Variants in KIAA2012 observed in about 807,000 individuals in gnomAD.
The protein encoded by KIAA2012 is KIAA2012.
In KIAA2012, 125 loss-of-function variants were observed where a neutral mutation model predicts 150.6. The observed-to-expected ratio is 0.83, with a 90% CI of 0.72 to 0.96. The LOEUF (loss-of-function observed/expected upper bound fraction) is 0.96, where lower values mean the gene tolerates loss of function less well. Among genes scored for constraint, KIAA2012 ranks in the 40% least tolerant of loss-of-function variants. KIAA2012 has a pLI of 0.00. For synonymous variants in KIAA2012, 462 were observed against 504.7 expected, an observed-to-expected ratio of 0.92 and a Z score of 1.13; for missense variants, 1,219 against 1,354.9, an observed-to-expected ratio of 0.90 and a Z score of 1.57.
intron 12 of KIAA2012, among the ~76,000 whole-genome samples, chr2:202,126,873 T>C (rs576136753): frequency 6.6e-6 from 1 of 152,304 alleles, no homozygotes; most frequent in South Asian, 2.1e-4. Context: ...GGAACCTGTA[T>C]TTTTATGACT....
At chr2:202,180,257 G>A (rs949564717) in intron 15 of KIAA2012, among the ~76,000 whole-genome samples, 11 of 139,170 alleles carry the variant, frequency 7.9e-5, no homozygotes, top group Non-Finnish European at 1.4e-4. Context: ...GGCCAAAAGA[G>A]TGAAACTCCT....
intron 9 of KIAA2012, 132 bp from the exon 10 acceptor site, chr2:202,109,481 C>A (rs184078072): frequency 2.7e-6 from 2 of 727,394 alleles, no homozygotes; most frequent in East Asian, 2.8e-5. Context: ...CCCTTCTAGC[C>A]ACAATACAAT....
chr2:202,165,271 G>C lies in KIAA2012; in HGVS notation c.2047-13G>C. 3.9e-6 allele frequency: 6 copies of C among 1,549,428 alleles called. No individual in the cohort carries two copies. Among genetic ancestry groups the C allele is most frequent in the Non-Finnish European group, 4.4e-6 (5 of 1,146,050 alleles). On this transcript the variant is annotated splice_polypyrimidine_tract_variant and intron_variant, in intron 14 of 23. Coordinates refer to ENST00000498697, the MANE Select transcript of KIAA2012 (RefSeq NM_001277372.4). ...ATGTCTAATGTATTCTTTGTTGTGT[G>C]TTAACCCAATAGGAAAGTGGAAATG...
intron 22 of KIAA2012, among the ~76,000 whole-genome samples, chr2:202,200,949 G>A (rs1367953185): frequency 3.3e-5 from 5 of 151,754 alleles, no homozygotes; most frequent in Admixed American, 2.0e-4. Flanking sequence ...CAAGTGATCC[G>A]CCTGCCTCAG....
At chr2:202,143,075 A>ATTTTTTT (rs59488285) in intron 13 of KIAA2012, among the ~76,000 whole-genome samples, 11 of 124,988 alleles carry the variant, frequency 8.8e-5, no homozygotes, top group Non-Finnish European at 1.3e-4. Flanking sequence ...CACTGGTTTA[A>ATTTTTTT]TTTTTTTTTT....
At chr2:202,083,120 G>A (rs912168246) in intron 2 of KIAA2012, among the ~76,000 whole-genome samples, 11 of 152,162 alleles carry the variant, frequency 7.2e-5, no homozygotes, top group Admixed American at 1.3e-4. Flanking sequence ...ATCAAGCCTT[G>A]TTACAACACT....
chr2:202,097,624 CTG>C (rs1336719930), intron 5 of KIAA2012, 47 bp downstream of exon 5: 1 of 1,534,640 alleles, frequency 6.5e-7, no homozygotes, highest in Non-Finnish European at 8.8e-7. Flanking sequence ...GAGTCTCACT[CTG>C]TCACCCAGGC....
intron 15 of KIAA2012, chr2:202,178,645 C>A (rs573080975): frequency 2.6e-5 from 4 of 152,658 alleles, no homozygotes; most frequent in African/African-American, 9.6e-5. Flanking sequence ...GAAAGAAATA[C>A]TCACAGAACT....
chr2:202,097,486 AG>A lies in KIAA2012; in HGVS notation c.740del (p.Gly247AlafsTer3). 6.4e-7 allele frequency: 1 copy of A among 1,550,500 alleles called. No homozygotes were observed. The highest frequency in any genetic ancestry group is 8.7e-7 in the Non-Finnish European group (1 of 1,146,980). ...GEAGAAGHVD[Q>X]GPLAKNHGSQ... The stretch of plus-strand genomic sequence containing the variant: ...GCTGGAGCTGCTGGACACGTGGACC[AG>A]GGCCCTCTAGCCAAGAACCATGGCA... On this transcript the variant is annotated frameshift_variant, in exon 5 of 24. Coordinates refer to ENST00000498697, the MANE Select transcript of KIAA2012 (RefSeq NM_001277372.4). LOFTEE classifies it high-confidence loss of function.
chr2:202,131,038 G>A (rs1690916284), intron 12 of KIAA2012, among the ~76,000 whole-genome samples: 2 of 152,154 alleles, frequency 1.3e-5, no homozygotes, highest in Non-Finnish European at 2.9e-5. Context: ...GTGGCCTGAG[G>A]ATTTTGCTAT....
intron 12 of KIAA2012, among the ~76,000 whole-genome samples, chr2:202,126,836 A>G (rs564330359): frequency 1.6e-4 from 24 of 152,322 alleles, no homozygotes; most frequent in African/African-American, 5.3e-4. Context: ...GGTCACACAA[A>G]GTAGTAAAGT....
At chr2:202,125,360 C>A (rs1343845386) in intron 12 of KIAA2012, 78 bp downstream of exon 12, 1 of 1,080,170 alleles carries the variant, frequency 9.3e-7, no homozygotes, top group Non-Finnish European at 1.4e-6. Context: ...ATATATAGAC[C>A]TCCAGAAACC....
chr2:202,097,620 C>A (rs887411444), intron 5 of KIAA2012, 43 bp downstream of exon 5: 7 of 1,537,246 alleles, frequency 4.6e-6, no homozygotes, highest in Non-Finnish European at 6.1e-6. Context: ...GACGGAGTCT[C>A]ACTCTGTCAC....
intron 15 of KIAA2012, among the ~76,000 whole-genome samples, chr2:202,170,525 A>G (rs1417268217): frequency 1.3e-5 from 2 of 152,066 alleles, no homozygotes; most frequent in Non-Finnish European, 2.9e-5. Flanking sequence ...GATCCCTACT[A>G]AGTTTCATAG....
rs1192536541 is a variant in KIAA2012 at position 202,090,938 on chromosome 2, G to A, written c.529+9G>A. On this transcript the variant is annotated intron_variant, in intron 3 of 23. Coordinates refer to ENST00000498697, the MANE Select transcript of KIAA2012 (RefSeq NM_001277372.4). Reference sequence around the variant, plus strand: ...TAGGCTCTGGTGCGCAGGTCAGTGGGGAAATGGGAGGGGGGCACACCCCAA... The same window carrying A: ...TAGGCTCTGGTGCGCAGGTCAGTGGAGAAATGGGAGGGGGGCACACCCCAA... The A allele has an allele frequency of 7.2e-6, 11 of 1,534,326 alleles. No homozygotes were observed. The highest frequency in any genetic ancestry group is 2.0e-5 in the Admixed American group (1 of 50,296).
chr2:202,177,804 C>G (rs1359601456), intron 15 of KIAA2012, among the ~76,000 whole-genome samples: 1 of 152,192 alleles, frequency 6.6e-6, no homozygotes, highest in African/African-American at 2.4e-5. Flanking sequence ...GATTGAGTTT[C>G]CAACACACAA....
intron 12 of KIAA2012, among the ~76,000 whole-genome samples, chr2:202,126,611 ATGATGATGG>A (rs1690795189): frequency 9.6e-6 from 1 of 103,678 alleles, no homozygotes; most frequent in Non-Finnish European, 1.9e-5. Context: ...AGTAAAAATG[ATGATGATGG>A]TGGTGGTGGT....
At chr2:202,080,713 AAAAG>A (rs1559196050) in intron 2 of KIAA2012, among the ~76,000 whole-genome samples, 2 of 151,950 alleles carry the variant, frequency 1.3e-5, no homozygotes, top group African/African-American at 2.4e-5. Context: ...AAAAAAAAAA[AAAAG>A]AAGGCTAACA....
At chr2:202,147,177 C>T (rs2105948635) in intron 13 of KIAA2012, among the ~76,000 whole-genome samples, 1 of 152,332 alleles carries the variant, frequency 6.6e-6, no homozygotes, top group Admixed American at 6.5e-5. Flanking sequence ...CATCCCCAAC[C>T]CCCAATTCAA....
Sources: gnomAD v4.1 joint callset for allele counts (sites outside exome capture counted in the v4.1 genomes callset) on GRCh38, gnomAD v4.1.1 for gene constraint, MANE v1.5 for transcripts, NCBI Gene and HGNC (gene_info 2026-07-23, HGNC 2026-07-21) for gene names.